BCL7A: variants seen among roughly 807,000 people sequenced by gnomAD.
BCL7A encodes BAF chromatin remodeling complex subunit BCL7A, also known as B-cell CLL/lymphoma 7 protein family member A.
BCL7A carries 11 observed loss-of-function variants against 28.4 expected under a neutral mutation model. The ratio of observed to expected loss-of-function variants is 0.39; its 90% CI spans 0.24 to 0.64. BCL7A has a LOEUF of 0.64. Among genes scored for constraint, BCL7A ranks in the 30% least tolerant of loss-of-function variants. The pLI is 0.50. For missense variants in BCL7A, 222 were observed against 274.8 expected, an observed-to-expected ratio of 0.81 and a Z score of 1.36; for synonymous variants, 123 against 103.3, an observed-to-expected ratio of 1.19 and a Z score of -1.15.
Position 122,022,084 on chromosome 12 carries a change from C to T in BCL7A, c.-8C>T, listed in dbSNP as rs757422113. The stretch of plus-strand genomic sequence containing the variant: ...GCGCTCCCCAGCCTCCGTCTCCCCG[C>T]CGGAACCATGTCGGGCAGGTCGGTT... On this transcript the variant is annotated 5_prime_UTR_variant, in exon 1 of 6. Transcript: ENST00000261822. 26 of 1,559,850 alleles carry T rather than the reference C, an allele frequency of 1.7e-5. No homozygotes were observed. The highest frequency in any genetic ancestry group is 1.6e-4 in the South Asian group (14 of 87,338).
chr12:122,036,614 A>C (rs1444600215), intron 3 of BCL7A, among the ~76,000 whole-genome samples: 2 of 151,464 alleles, frequency 1.3e-5, no homozygotes, highest in Admixed American at 1.3e-4. Context: ...GTCAAAACAC[A>C]GAACGTTCCG....
chr12:122,051,517 A>G (rs1884190922), intron 4 of BCL7A, among the ~76,000 whole-genome samples: 1 of 152,176 alleles, frequency 6.6e-6, no homozygotes, highest in African/African-American at 2.4e-5. Context: ...CGCCCAGAGA[A>G]TCGGCTGCTG....
intron 1 of BCL7A, among the ~76,000 whole-genome samples, 165 bp from the exon 2 acceptor site, chr12:122,030,535 A>T (rs1883720178): frequency 6.6e-6 from 1 of 152,170 alleles, no homozygotes; most frequent in African/African-American, 2.4e-5. Flanking sequence ...CCAGGCTTAG[A>T]TGGGTGATGT....
intron 1 of BCL7A, among the ~76,000 whole-genome samples, chr12:122,026,816 G>T (rs941522257): frequency 6.6e-5 from 10 of 152,240 alleles, no homozygotes; most frequent in Non-Finnish European, 1.5e-5. Flanking sequence ...CCCTAAGATG[G>T]TCTTGTTGGC....
rs536683369 is a variant in BCL7A, at chr12:122,052,127, G to A, written c.440-2678G>A. 4.6e-5 allele frequency among the ~76,000 whole-genome samples: 7 copies of A among 151,782 alleles called. 1 individual carries two copies. In the South Asian group the frequency reaches 1.5e-3, roughly 32 times the overall value. On this transcript the variant is annotated intron_variant, in intron 4 of 5. Transcript: ENST00000261822. ...TGACCTCAAGTGATCTGCCTGCCTT[G>A]GTCTCCCAAAATGCTGGGATTACAG...
intron 4 of BCL7A, among the ~76,000 whole-genome samples, chr12:122,046,675 A>G (rs1359512028): frequency 6.6e-6 from 1 of 152,190 alleles, no homozygotes; most frequent in Non-Finnish European, 1.5e-5. Flanking sequence ...TGTGATGTCA[A>G]AATTTAAAAA....
Position 122,021,916 on chromosome 12 carries a change from T to TGTGTG in BCL7A, c.-176_-175insGTGTG. 1 of 353,732 alleles carries TGTGTG rather than the reference T, an allele frequency of 2.8e-6. No individual in the cohort carries two copies. Among genetic ancestry groups the TGTGTG allele is most frequent in the Non-Finnish European group, 5.2e-6 (1 of 192,750 alleles). The allele number at this position is 353,732 out of a possible 1,614,324, so 21.9% of individuals were successfully genotyped here. ...GCCAGGCGCGCGGCGGCCCCGGGCTTTGTGTGTGTGTGTATGTGTGTGTGT... is the reference window on the plus strand; with the variant it reads ...GCCAGGCGCGCGGCGGCCCCGGGCTTGTGTGTGTGTGTGTGTGTATGTGTGTGTGT... On this transcript the variant is annotated 5_prime_UTR_variant, in exon 1 of 6. Transcript: ENST00000261822.
intron 3 of BCL7A, among the ~76,000 whole-genome samples, chr12:122,042,666 A>G (rs1413943804): frequency 6.7e-6 from 1 of 149,148 alleles, no homozygotes; most frequent in Non-Finnish European, 1.5e-5. Flanking sequence ...AAAAAAAAAA[A>G]GTGTAAAAGT....
chr12:122,043,151 ACGCCTTGGCAATCC>A (rs1480359832), intron 3 of BCL7A, among the ~76,000 whole-genome samples: 1 of 151,990 alleles, frequency 6.6e-6, no homozygotes, highest in Non-Finnish European at 1.5e-5. Flanking sequence ...GTCAGACAGA[ACGCCTTGGCAATCC>A]CGCCTCACGG....
At chr12:122,023,558 G>A (rs1389043442) in intron 1 of BCL7A, among the ~76,000 whole-genome samples, 2 of 152,348 alleles carry the variant, frequency 1.3e-5, no homozygotes, top group East Asian at 1.9e-4. Flanking sequence ...CCTATGGAAA[G>A]GGCTGGCTGC....
intron 4 of BCL7A, among the ~76,000 whole-genome samples, chr12:122,053,848 A>G (rs1884250279): frequency 6.6e-6 from 1 of 152,126 alleles, no homozygotes; most frequent in African/African-American, 2.4e-5. Flanking sequence ...TGTGATATTT[A>G]AAGAACCTTT....
intron 4 of BCL7A, among the ~76,000 whole-genome samples, chr12:122,054,456 G>C (rs1292783196): frequency 2.0e-5 from 3 of 152,190 alleles, no homozygotes; most frequent in Non-Finnish European, 4.4e-5. Context: ...GCGGGAGAGA[G>C]GAATTGACAG....
chr12:122,057,909 G>A (rs1226971696), intron 5 of BCL7A, among the ~76,000 whole-genome samples: 1 of 152,160 alleles, frequency 6.6e-6, no homozygotes, highest in Non-Finnish European at 1.5e-5. Context: ...TGCAGAGATT[G>A]CCAGGCATCA....
intron 1 of BCL7A, among the ~76,000 whole-genome samples, chr12:122,025,689 T>C (rs1171255847): frequency 6.6e-6 from 1 of 150,568 alleles, no homozygotes; most frequent in Non-Finnish European, 1.5e-5. Flanking sequence ...CTCATGCCTG[T>C]AATCCCAGCA....
intron 4 of BCL7A, among the ~76,000 whole-genome samples, chr12:122,045,827 G>A (rs1884064647): frequency 6.6e-6 from 1 of 151,874 alleles, no homozygotes; most frequent in African/African-American, 2.4e-5. Context: ...AGTAGCTTAT[G>A]CTTATAATCT....
At chr12:122,058,724 T>G (rs886325499) in intron 5 of BCL7A, among the ~76,000 whole-genome samples, 3 of 152,052 alleles carry the variant, frequency 2.0e-5, no homozygotes, top group Admixed American at 2.0e-4. Flanking sequence ...ACCCTAGCAA[T>G]GAATCATAGA....
At position 122,045,489 on chromosome 12, in the gene BCL7A, G is replaced by A. The variant is rs552009185; in HGVS notation, c.439+1436G>A. On this transcript the variant is annotated intron_variant, in intron 4 of 5. Transcript: ENST00000261822. ...CTGGCCTGGGTTTTCATGGTAAGACGGGAGCCACTGGGGGCTTGGGTGACA... is the reference window on the plus strand; with the variant it reads ...CTGGCCTGGGTTTTCATGGTAAGACAGGAGCCACTGGGGGCTTGGGTGACA... Among the ~76,000 whole-genome samples the A allele has an allele frequency of 3.7e-4, 57 of 152,224 alleles. No homozygotes were observed. In the Middle Eastern group the frequency reaches 0.017, roughly 45 times the overall value.
chr12:122,024,368 G>C (rs1883563863), intron 1 of BCL7A, among the ~76,000 whole-genome samples: 1 of 152,240 alleles, frequency 6.6e-6, no homozygotes, highest in South Asian at 2.1e-4. Flanking sequence ...TCATGCCTCC[G>C]AGAGCACCGC....
At chr12:122,023,561 C>T (rs1412619169) in intron 1 of BCL7A, among the ~76,000 whole-genome samples, 3 of 152,236 alleles carry the variant, frequency 2.0e-5, no homozygotes, top group Non-Finnish European at 2.9e-5. Flanking sequence ...ATGGAAAGGG[C>T]TGGCTGCGAT....
Sources: allele counts gnomAD v4.1 joint callset (sites outside exome capture counted in the v4.1 genomes callset), GRCh38; gene constraint gnomAD v4.1.1; transcripts MANE v1.5; gene names NCBI Gene and HGNC (gene_info 2026-07-23, HGNC 2026-07-21).